DCC: variants seen among roughly 807,000 people sequenced by gnomAD.
The protein encoded by DCC is netrin receptor DCC.
Under a neutral mutation model 172.5 loss-of-function variants are expected in DCC, and 58 were observed. That is an observed-to-expected ratio of 0.34 (90% CI 0.27 to 0.42). DCC has a LOEUF of 0.42. Among genes scored for constraint, DCC ranks in the 10% least tolerant of loss-of-function variants. The pLI, the probability that DCC is intolerant of heterozygous loss-of-function variation, is 1.00. For missense variants in DCC, 1,740 were observed against 1,791.0 expected (o/e 0.97, Z 0.51); for synonymous variants, 709 against 644.5 (o/e 1.10, Z -1.52).
intron 1 of DCC, among the ~76,000 whole-genome samples, chr18:52,450,022 A>G (rs1317717225): frequency 6.6e-6 from 1 of 152,226 alleles, no homozygotes; most frequent in Non-Finnish European, 1.5e-5. Flanking sequence ...TTAATCAAGT[A>G]AGAATTTAAC....
At chr18:53,374,969 G>T (rs1007535439) in intron 15 of DCC, among the ~76,000 whole-genome samples, 1 of 152,158 alleles carries the variant, frequency 6.6e-6, no homozygotes, top group South Asian at 2.1e-4. Context: ...CCTACTTGCT[G>T]TCTTACTCAG....
At chr18:53,194,237 C>T (rs538542140) in intron 9 of DCC, among the ~76,000 whole-genome samples, 1 of 152,166 alleles carries the variant, frequency 6.6e-6, no homozygotes, top group Non-Finnish European at 1.5e-5. Flanking sequence ...AGTGAATGCC[C>T]TTTCTGAAGG....
At chr18:52,925,517 C>T in intron 5 of DCC, 147 bp downstream of exon 5, 1 of 816,602 alleles carries the variant, frequency 1.2e-6, no homozygotes, top group Non-Finnish European at 2.1e-6. Flanking sequence ...TTGCTTTGCT[C>T]TGATTAATTG....
At chr18:52,631,195 A>G (rs879620975) in intron 1 of DCC, among the ~76,000 whole-genome samples, 2 of 152,210 alleles carry the variant, frequency 1.3e-5, no homozygotes, top group Non-Finnish European at 2.9e-5. Flanking sequence ...TCTACCTGTC[A>G]TTTATGGTTG....
intron 14 of DCC, among the ~76,000 whole-genome samples, chr18:53,328,016 A>C (rs1181912711): frequency 6.6e-6 from 1 of 152,192 alleles, no homozygotes; most frequent in Non-Finnish European, 1.5e-5. Context: ...AGTGGATTTC[A>C]TCTTACACAT....
chr18:53,093,376 C>T (rs2043041250), intron 7 of DCC, among the ~76,000 whole-genome samples: 1 of 152,156 alleles, frequency 6.6e-6, no homozygotes, highest in South Asian at 2.1e-4. Context: ...TTGCATAGCA[C>T]ATCTTATTGC....
intron 2 of DCC, among the ~76,000 whole-genome samples, chr18:52,774,361 A>G (rs2037392210): frequency 6.6e-6 from 1 of 152,216 alleles, no homozygotes; most frequent in Non-Finnish European, 1.5e-5. Flanking sequence ...CTTCAGTACC[A>G]AGAAAAAACC....
rs138782678 is a variant in DCC at position 53,270,961 on chromosome 18, G to A, written c.1912-34617G>A. On this transcript the variant is annotated intron_variant, in intron 12 of 28. Coordinates refer to ENST00000442544, the MANE Select transcript of DCC (RefSeq NM_005215.4). ...ATTCTCACAATACTTTGTGAGGTAAGTAATATTACCCATTTTATTGTTAAG... is the reference window on the plus strand; with the variant it reads ...ATTCTCACAATACTTTGTGAGGTAAATAATATTACCCATTTTATTGTTAAG... 2.0e-5 allele frequency among the ~76,000 whole-genome samples: 3 copies of A among 152,194 alleles called. No homozygotes were observed. In the East Asian group the frequency reaches 5.8e-4, roughly 29 times the overall value.
intron 1 of DCC, among the ~76,000 whole-genome samples, chr18:52,513,047 A>G (rs761881318): frequency 6.6e-6 from 1 of 152,150 alleles, no homozygotes; most frequent in Non-Finnish European, 1.5e-5. Context: ...TGTGATCCCT[A>G]AAGAGAACTG....
chr18:52,614,743 A>G lies in DCC; in HGVS notation c.92-137311A>G, dbSNP rs543570229. On this transcript the variant is annotated intron_variant, in intron 1 of 28. Coordinates refer to ENST00000442544, the MANE Select transcript of DCC (RefSeq NM_005215.4). ...TCCCTTGGTGAATAAAATCTTGAAT[A>G]TAAAGCATGTTACATCTGAAAAAAA... 1.3e-4 allele frequency among the ~76,000 whole-genome samples: 20 copies of G among 152,254 alleles called. No homozygotes were observed. In the South Asian group the frequency reaches 3.9e-3, roughly 30 times the overall value.
At chr18:53,458,365 G>A (rs1425215177) in intron 23 of DCC, among the ~76,000 whole-genome samples, 1 of 152,170 alleles carries the variant, frequency 6.6e-6, no homozygotes, top group African/African-American at 2.4e-5. Flanking sequence ...AAAAATAAAT[G>A]AGCTTGGCCA....
chr18:52,402,776 G>T (rs1033623036), intron 1 of DCC, among the ~76,000 whole-genome samples: 1 of 152,002 alleles, frequency 6.6e-6, no homozygotes, highest in Non-Finnish European at 1.5e-5. Flanking sequence ...AAGAATTAGT[G>T]ATAATAGGGA....
intron 1 of DCC, among the ~76,000 whole-genome samples, chr18:52,562,640 C>T (rs1236416461): frequency 6.6e-6 from 1 of 151,992 alleles, no homozygotes; most frequent in Non-Finnish European, 1.5e-5. Context: ...AACACTGTTG[C>T]CGCACACTAT....
intron 1 of DCC, among the ~76,000 whole-genome samples, chr18:52,688,964 T>C (rs2035886016): frequency 1.3e-5 from 2 of 152,152 alleles, no homozygotes; most frequent in African/African-American, 2.4e-5. Flanking sequence ...GCATTTATTT[T>C]TATTAAAATA....
At chr18:52,435,562 C>G (rs1287000466) in intron 1 of DCC, among the ~76,000 whole-genome samples, 4 of 152,214 alleles carry the variant, frequency 2.6e-5, no homozygotes, top group Non-Finnish European at 5.9e-5. Context: ...ACTGGTTTCT[C>G]ATCACCCTCT....
At chr18:53,294,606 G>A (rs1265115625) in intron 12 of DCC, among the ~76,000 whole-genome samples, 2 of 152,288 alleles carry the variant, frequency 1.3e-5, no homozygotes, top group Admixed American at 6.5e-5. Context: ...GGAGGACTCA[G>A]CCTTGCATGT....
At chr18:53,284,708 C>A (rs1395596197) in intron 12 of DCC, among the ~76,000 whole-genome samples, 3 of 152,080 alleles carry the variant, frequency 2.0e-5, no homozygotes, top group Non-Finnish European at 2.9e-5. Context: ...GGGTAACAGG[C>A]AGAGATTGGA....
chr18:53,021,645 T>A (rs191366171), intron 5 of DCC, among the ~76,000 whole-genome samples: 1 of 152,272 alleles, frequency 6.6e-6, no homozygotes, highest in East Asian at 1.9e-4. Context: ...ATTGGAGTAT[T>A]CCCCAGCACT....
At chr18:52,462,988 T>C (rs1988677366) in intron 1 of DCC, among the ~76,000 whole-genome samples, 1 of 152,170 alleles carries the variant, frequency 6.6e-6, no homozygotes, top group Non-Finnish European at 1.5e-5. Context: ...ATCCATAGAT[T>C]CTCAGGAAAC....
Sources: gnomAD v4.1 joint callset for allele counts (sites outside exome capture counted in the v4.1 genomes callset) on GRCh38, gnomAD v4.1.1 for gene constraint, MANE v1.5 for transcripts, NCBI Gene and HGNC (gene_info 2026-07-23, HGNC 2026-07-21) for gene names.